Variants in ST6GALNAC3 observed in about 807,000 individuals in gnomAD.
ST6GALNAC3 encodes the protein ST6 N-acetylgalactosaminide alpha-2,6-sialyltransferase 3.
In ST6GALNAC3, 25 loss-of-function variants were observed where a neutral mutation model predicts 32.7. The ratio of observed to expected loss-of-function variants is 0.76; its 90% CI spans 0.56 to 1.07. ST6GALNAC3 has a LOEUF of 1.07. Ranked by LOEUF, ST6GALNAC3 falls within the 50% of genes least tolerant of loss-of-function variation. The pLI is 0.00. For synonymous variants in ST6GALNAC3, 129 were observed against 133.1 expected, an observed-to-expected ratio of 0.97 and a Z score of 0.21; for missense variants, 355 against 382.4, an observed-to-expected ratio of 0.93 and a Z score of 0.60.
At chr1:76,512,969 A>T (rs111861027) in intron 3 of ST6GALNAC3, among the ~76,000 whole-genome samples, 1 of 114,588 alleles carries the variant, frequency 8.7e-6, no homozygotes, top group Non-Finnish European at 2.0e-5. Flanking sequence ...TTTGAAAAAT[A>T]TCTATTTAGG....
At chr1:76,160,241 T>C (rs1433155518) in intron 1 of ST6GALNAC3, among the ~76,000 whole-genome samples, 1 of 152,142 alleles carries the variant, frequency 6.6e-6, no homozygotes, top group Admixed American at 6.5e-5. Context: ...TGGTTGGCTA[T>C]TACACTTAAA....
intron 3 of ST6GALNAC3, among the ~76,000 whole-genome samples, chr1:76,619,719 C>T (rs187875897): frequency 5.3e-5 from 8 of 152,062 alleles, no homozygotes; most frequent in African/African-American, 1.4e-4. Context: ...CTGTAACCAA[C>T]AATCTATTGC....
intron 3 of ST6GALNAC3, among the ~76,000 whole-genome samples, chr1:76,479,489 C>T (rs568022683): frequency 1.3e-5 from 2 of 152,244 alleles, no homozygotes; most frequent in Admixed American, 1.3e-4. Flanking sequence ...CTGAGAAGTC[C>T]AAGAGCATGC....
intron 1 of ST6GALNAC3, among the ~76,000 whole-genome samples, chr1:76,153,237 C>T (rs1316430717): frequency 1.3e-5 from 2 of 151,918 alleles, no homozygotes; most frequent in Non-Finnish European, 2.9e-5. Context: ...TTTTTTTTCC[C>T]CTATAGCTAT....
intron 1 of ST6GALNAC3, among the ~76,000 whole-genome samples, chr1:76,207,064 C>T (rs553138525): frequency 1.9e-4 from 29 of 152,312 alleles, no homozygotes; most frequent in African/African-American, 5.8e-4. Flanking sequence ...AAATGTTACT[C>T]CATTATGTTG....
intron 2 of ST6GALNAC3, among the ~76,000 whole-genome samples, chr1:76,389,787 T>A (rs1202968079): frequency 4.6e-5 from 7 of 152,230 alleles, no homozygotes; most frequent in Non-Finnish European, 8.8e-5. Flanking sequence ...ACACAATTTA[T>A]CCATCAAATA....
At chr1:76,432,999 C>T (rs902314294) in intron 3 of ST6GALNAC3, among the ~76,000 whole-genome samples, 8 of 152,124 alleles carry the variant, frequency 5.3e-5, no homozygotes, top group Non-Finnish European at 1.2e-4. Flanking sequence ...CCTTTTGCCA[C>T]CCCGCCTGCT....
At chr1:76,102,575 A>G (rs1482452545) in intron 1 of ST6GALNAC3, among the ~76,000 whole-genome samples, 2 of 151,688 alleles carry the variant, frequency 1.3e-5, no homozygotes, top group Non-Finnish European at 2.9e-5. Context: ...TGGAAGTTGT[A>G]TATTCTTTTA....
intron 2 of ST6GALNAC3, among the ~76,000 whole-genome samples, chr1:76,324,994 A>T (rs1441939314): frequency 6.6e-6 from 1 of 152,226 alleles, no homozygotes; most frequent in Non-Finnish European, 1.5e-5. Context: ...CAGGTTTGTT[A>T]CATATGTATA....
chr1:76,458,903 AAAAG>A (rs1013812162), intron 3 of ST6GALNAC3, among the ~76,000 whole-genome samples: 5 of 152,166 alleles, frequency 3.3e-5, no homozygotes, highest in African/African-American at 1.2e-4. Flanking sequence ...ATTTAAAAAA[AAAAG>A]AAAAAAGGAA....
chr1:76,080,032 G>C (rs904710269), intron 1 of ST6GALNAC3, among the ~76,000 whole-genome samples: 2 of 152,206 alleles, frequency 1.3e-5, no homozygotes, highest in Non-Finnish European at 2.9e-5. Flanking sequence ...CTGAGCATCT[G>C]TAATTGAGTT....
intron 3 of ST6GALNAC3, among the ~76,000 whole-genome samples, chr1:76,494,429 G>GTATA (rs60378565): frequency 0.018 from 945 of 53,298 alleles, 47 homozygotes; most frequent in African/African-American, 0.031. Flanking sequence ...GTGTGCATGT[G>GTATA]TATATATATA....
chr1:76,101,509 A>G (rs1647226182), intron 1 of ST6GALNAC3, among the ~76,000 whole-genome samples: 1 of 152,202 alleles, frequency 6.6e-6, no homozygotes, highest in Non-Finnish European at 1.5e-5. Context: ...TTTGTGTGGT[A>G]AGAGTGTTTT....
intron 1 of ST6GALNAC3, among the ~76,000 whole-genome samples, chr1:76,184,533 A>G (rs922128302): frequency 7.4e-5 from 11 of 149,426 alleles, no homozygotes; most frequent in South Asian, 4.2e-4. Flanking sequence ...ACACACACAC[A>G]CACACACACA....
At chr1:76,587,794 C>T (rs1646985172) in intron 3 of ST6GALNAC3, among the ~76,000 whole-genome samples, 2 of 152,222 alleles carry the variant, frequency 1.3e-5, no homozygotes, top group South Asian at 4.2e-4. Context: ...AGAGACGTGG[C>T]ATGTGGGTGG....
At chr1:76,571,378 C>G (rs1557585590) in intron 3 of ST6GALNAC3, among the ~76,000 whole-genome samples, 1 of 152,038 alleles carries the variant, frequency 6.6e-6, no homozygotes, top group Non-Finnish European at 1.5e-5. Flanking sequence ...TATCCACCTA[C>G]TTTTTTTAAA....
intron 1 of ST6GALNAC3, among the ~76,000 whole-genome samples, chr1:76,273,345 A>G (rs144957060): frequency 3.5e-4 from 53 of 152,328 alleles, no homozygotes; most frequent in African/African-American, 1.2e-3. Context: ...GATTTATCAC[A>G]TGAAAATTAA....
chr1:76,352,528 C>A (rs1186435603), intron 2 of ST6GALNAC3, among the ~76,000 whole-genome samples: 1 of 141,918 alleles, frequency 7.0e-6, no homozygotes, highest in African/African-American at 2.6e-5. Flanking sequence ...TTACCTCCGG[C>A]CAATCTCTAA....
At chr1:76,190,870 G>T (rs936608220) in intron 1 of ST6GALNAC3, among the ~76,000 whole-genome samples, 2 of 152,128 alleles carry the variant, frequency 1.3e-5, no homozygotes, top group Admixed American at 1.3e-4. Flanking sequence ...AATTGGTATT[G>T]GTTCTGGTAG....
Sources: gnomAD v4.1 joint callset for allele counts (sites outside exome capture counted in the v4.1 genomes callset) on GRCh38, gnomAD v4.1.1 for gene constraint, MANE v1.5 for transcripts, NCBI Gene and HGNC (gene_info 2026-07-23, HGNC 2026-07-21) for gene names.